STAM2: variants seen among roughly 807,000 people sequenced by gnomAD.
The protein encoded by STAM2 is signal transducing adaptor molecule 2, also known as signal transducing adapter molecule 2.
In STAM2, 51 loss-of-function variants were observed where a neutral mutation model predicts 65.6. The observed-to-expected ratio is 0.78, with a 90% CI of 0.62 to 0.98. STAM2 has a LOEUF of 0.98. STAM2 is among the 50% of genes least tolerant of loss of function. The pLI is 0.00. For synonymous variants in STAM2, 198 were observed against 208.4 expected, an observed-to-expected ratio of 0.95 and a Z score of 0.43; for missense variants, 584 against 617.8, an observed-to-expected ratio of 0.95 and a Z score of 0.58.
intron 1 of STAM2, among the ~76,000 whole-genome samples, chr2:152,164,768 A>G (rs1350876181): frequency 6.6e-6 from 1 of 152,204 alleles, no homozygotes; most frequent in Non-Finnish European, 1.5e-5. Flanking sequence ...TTCTGGGGCG[A>G]CTAGGAGGAG....
At chr2:152,156,692 C>CAAATA (rs1358715822) in intron 1 of STAM2, among the ~76,000 whole-genome samples, 1 of 152,032 alleles carries the variant, frequency 6.6e-6, no homozygotes, top group African/African-American at 2.4e-5. Context: ...AACAAAAAGG[C>CAAATA]TCCCCCCCTT....
chr2:152,121,510 C>G (rs896698498), intron 13 of STAM2, among the ~76,000 whole-genome samples: 31 of 152,280 alleles, frequency 2.0e-4, no homozygotes, highest in African/African-American at 7.5e-4. Flanking sequence ...CCCCATCTCC[C>G]AATCCAGCAC....
intron 1 of STAM2, among the ~76,000 whole-genome samples, chr2:152,168,639 T>C (rs1339587585): frequency 6.6e-6 from 1 of 152,230 alleles, no homozygotes; most frequent in Non-Finnish European, 1.5e-5. Flanking sequence ...TATTAAGGAA[T>C]AAAAATATAT....
intron 2 of STAM2, among the ~76,000 whole-genome samples, chr2:152,149,153 T>TTA (rs1689392661): frequency 1.3e-5 from 2 of 152,176 alleles, no homozygotes; most frequent in South Asian, 4.1e-4. Context: ...GACTTTTTTG[T>TTA]TATATTATCT....
intron 2 of STAM2, among the ~76,000 whole-genome samples, chr2:152,149,453 A>C (rs927329917): frequency 6.6e-6 from 1 of 151,304 alleles, no homozygotes; most frequent in East Asian, 1.9e-4. Context: ...AAATCTGTGT[A>C]TAACTTTTGA....
chr2:152,164,644 T>C (rs904535214), intron 1 of STAM2, among the ~76,000 whole-genome samples: 1 of 152,162 alleles, frequency 6.6e-6, no homozygotes, highest in Non-Finnish European at 1.5e-5. Flanking sequence ...GCCCAGCTGA[T>C]TAACTCCATT....
intron 7 of STAM2, among the ~76,000 whole-genome samples, chr2:152,140,394 T>C (rs545937012): frequency 1.3e-5 from 2 of 152,364 alleles, no homozygotes; most frequent in South Asian, 4.1e-4. Context: ...TAGTTTTAGG[T>C]CTCAAAGTAC....
intron 7 of STAM2, among the ~76,000 whole-genome samples, chr2:152,140,672 G>C (rs1689229543): frequency 6.6e-6 from 1 of 152,186 alleles, no homozygotes; most frequent in African/African-American, 2.4e-5. Context: ...CTTGCAAACT[G>C]TCCTTGAAAG....
intron 7 of STAM2, among the ~76,000 whole-genome samples, chr2:152,140,360 T>A (rs908213260): frequency 1.3e-5 from 2 of 152,200 alleles, no homozygotes; most frequent in Non-Finnish European, 2.9e-5. Context: ...CACTCTGAGA[T>A]AAAACAAAAA....
chr2:152,126,675 T>TA (rs1354995541), intron 11 of STAM2, among the ~76,000 whole-genome samples: 1 of 151,648 alleles, frequency 6.6e-6, no homozygotes, highest in Non-Finnish European at 1.5e-5. Context: ...TTTCCACACC[T>TA]AAGTAACAAA....
chr2:152,149,681 A>G (rs557598665), intron 2 of STAM2, among the ~76,000 whole-genome samples: 1 of 152,104 alleles, frequency 6.6e-6, no homozygotes, highest in East Asian at 1.9e-4. Context: ...TATTTCTAGT[A>G]GAGATGGGGT....
At chr2:152,157,742 T>C (rs1296039817) in intron 1 of STAM2, among the ~76,000 whole-genome samples, 2 of 152,236 alleles carry the variant, frequency 1.3e-5, no homozygotes, top group African/African-American at 4.8e-5. Flanking sequence ...TTCATGCATT[T>C]AGTTGAAAAT....
chr2:152,174,584 A>G (rs549802314), intron 1 of STAM2, among the ~76,000 whole-genome samples: 1 of 152,346 alleles, frequency 6.6e-6, no homozygotes, highest in East Asian at 1.9e-4. Flanking sequence ...AATGTTAACT[A>G]TGAAACAGGG....
chr2:152,161,037 C>T (rs569653090), intron 1 of STAM2, among the ~76,000 whole-genome samples: 17 of 151,892 alleles, frequency 1.1e-4, no homozygotes, highest in South Asian at 4.2e-4. Flanking sequence ...ATGACGGTGG[C>T]GGTTTTGTGG....
At chr2:152,149,828 C>T (rs1252559702) in intron 2 of STAM2, among the ~76,000 whole-genome samples, 2 of 152,048 alleles carry the variant, frequency 1.3e-5, no homozygotes, top group Non-Finnish European at 2.9e-5. Context: ...CCAGAAGCCT[C>T]ACCAATACCA....
intron 13 of STAM2, 27 bp downstream of exon 13, chr2:152,123,739 A>G: frequency 6.2e-7 from 1 of 1,609,398 alleles, no homozygotes; most frequent in African/African-American, 1.3e-5. Context: ...TAACACATAT[A>G]AAATTAACAC....
intron 1 of STAM2, among the ~76,000 whole-genome samples, chr2:152,155,664 CTGTT>C (rs753526211): frequency 3.3e-5 from 5 of 152,144 alleles, no homozygotes; most frequent in Admixed American, 6.5e-5. Context: ...CTAATCTTTC[CTGTT>C]TGTTTATGAT....
chr2:152,147,392 C>G (rs1480233199), intron 4 of STAM2, 84 bp from the exon 5 acceptor site: 1 of 1,278,202 alleles, frequency 7.8e-7, no homozygotes. Context: ...GAATTACCAT[C>G]AAAATTCTCT....
intron 1 of STAM2, among the ~76,000 whole-genome samples, chr2:152,174,765 G>A (rs1689979181): frequency 6.6e-6 from 1 of 152,152 alleles, no homozygotes; most frequent in Non-Finnish European, 1.5e-5. Flanking sequence ...AGGCTGAGGT[G>A]GGAGGAATTC....
Sources: allele counts gnomAD v4.1 joint callset (sites outside exome capture counted in the v4.1 genomes callset), GRCh38; gene constraint gnomAD v4.1.1; transcripts MANE v1.5; gene names NCBI Gene and HGNC (gene_info 2026-07-23, HGNC 2026-07-21).